PROS1: variants seen among roughly 807,000 people sequenced by gnomAD.
PROS1 encodes the protein vitamin K-dependent protein S.
In PROS1, 29 loss-of-function variants were observed where a neutral mutation model predicts 75.9. The ratio of observed to expected loss-of-function variants is 0.38; its 90% CI spans 0.28 to 0.52. The LOEUF (loss-of-function observed/expected upper bound fraction) is 0.52, where lower values mean the gene tolerates loss of function less well. Ranked by LOEUF, PROS1 falls within the 20% of genes least tolerant of loss-of-function variation. PROS1 has a pLI of 0.83. For synonymous variants in PROS1, 245 were observed against 280.6 expected (o/e 0.87, Z 1.27); for missense variants, 680 against 810.3 (o/e 0.84, Z 1.95).
chr3:93,960,155 T>C (rs1709679061), intron 1 of PROS1, among the ~76,000 whole-genome samples: 1 of 151,328 alleles, frequency 6.6e-6, no homozygotes, highest in Non-Finnish European at 1.5e-5. Flanking sequence ...ATTTGAACTA[T>C]AAGCAGAAGT....
At chr3:93,889,668 A>G (rs1418756755) in intron 10 of PROS1, among the ~76,000 whole-genome samples, 1 of 152,210 alleles carries the variant, frequency 6.6e-6, no homozygotes, top group African/African-American at 2.4e-5. Context: ...ACAGCAGAGG[A>G]ACATAAATTG....
At chr3:93,938,426 C>G (rs1406878812) in intron 1 of PROS1, among the ~76,000 whole-genome samples, 2 of 152,174 alleles carry the variant, frequency 1.3e-5, no homozygotes, top group African/African-American at 2.4e-5. Flanking sequence ...GGTCTCTTCA[C>G]ACGGACGCAC....
intron 1 of PROS1, among the ~76,000 whole-genome samples, chr3:93,948,470 T>G (rs1369697689): frequency 6.6e-6 from 1 of 152,186 alleles, no homozygotes; most frequent in Admixed American, 6.5e-5. Flanking sequence ...CCTTGTTAAC[T>G]TTCTGTCTCG....
intron 4 of PROS1, among the ~76,000 whole-genome samples, chr3:93,908,203 T>C (rs1350305525): frequency 6.6e-6 from 1 of 152,216 alleles, no homozygotes; most frequent in Non-Finnish European, 1.5e-5. Context: ...TAGATTTATC[T>C]TCCTGCCTTA....
At chr3:93,893,411 G>A (rs1708460218) in intron 9 of PROS1, among the ~76,000 whole-genome samples, 1 of 152,044 alleles carries the variant, frequency 6.6e-6, no homozygotes, top group Admixed American at 6.6e-5. Flanking sequence ...CATATATTTT[G>A]ATAGCACCTT....
At chr3:93,886,621 T>A in intron 10 of PROS1, 118 bp from the exon 11 acceptor site, 1 of 783,362 alleles carries the variant, frequency 1.3e-6, no homozygotes, top group Non-Finnish European at 2.1e-6. Flanking sequence ...GTAATCATTT[T>A]AATGTAATTA....
intron 12 of PROS1, 70 bp downstream of exon 12, chr3:93,884,658 T>A (rs959524910): frequency 6.8e-7 from 1 of 1,465,882 alleles, no homozygotes; most frequent in African/African-American, 1.4e-5. Flanking sequence ...CACAAATAAA[T>A]TATTACTGTT....
At chr3:93,937,944 A>C (rs372280134) in intron 1 of PROS1, among the ~76,000 whole-genome samples, 2 of 152,306 alleles carry the variant, frequency 1.3e-5, no homozygotes, top group Admixed American at 6.5e-5. Context: ...AAAGACTTTA[A>C]CACAGCTTTA....
rs538435753 is a variant in PROS1 at position 93,904,059 on chromosome 3, T to C, written c.601+1725A>G. On this transcript the variant is annotated intron_variant, in intron 6 of 14. Coordinates refer to ENST00000394236, the MANE Select transcript of PROS1 (RefSeq NM_000313.4). ...CAATTCCCACCTATGAGTGAGAATATGCGGTGTTTGGTTTTTTGTTCTTGC... is the reference window on the plus strand; with the variant it reads ...CAATTCCCACCTATGAGTGAGAATACGCGGTGTTTGGTTTTTTGTTCTTGC... Among the ~76,000 whole-genome samples, 45 of 150,026 alleles carry C rather than the reference T, an allele frequency of 3.0e-4. No individual in the cohort carries two copies. In the East Asian group the frequency reaches 8.2e-3, roughly 27 times the overall value.
At chr3:93,961,066 T>C (rs1489805875) in intron 1 of PROS1, among the ~76,000 whole-genome samples, 1 of 152,126 alleles carries the variant, frequency 6.6e-6, no homozygotes, top group Non-Finnish European at 1.5e-5. Flanking sequence ...GTTCAATTCA[T>C]GATTCTAAAA....
At chr3:93,945,644 T>C (rs1414344718) in intron 1 of PROS1, among the ~76,000 whole-genome samples, 2 of 152,202 alleles carry the variant, frequency 1.3e-5, no homozygotes, top group Non-Finnish European at 2.9e-5. Flanking sequence ...AAGCTAGGTA[T>C]TGATGGGACG....
chr3:93,922,382 G>T (rs747778717), intron 3 of PROS1, among the ~76,000 whole-genome samples: 1 of 152,112 alleles, frequency 6.6e-6, no homozygotes, highest in Non-Finnish European at 1.5e-5. Context: ...TCTATTAGGT[G>T]ATACTAGGCC....
chr3:93,910,859 C>T (rs1319050168), intron 3 of PROS1, 154 bp from the exon 4 acceptor site: 4 of 663,100 alleles, frequency 6.0e-6, no homozygotes, highest in East Asian at 2.8e-5. Flanking sequence ...TTCCATCTAC[C>T]TTTCTGAAAA....
intron 1 of PROS1, among the ~76,000 whole-genome samples, chr3:93,930,529 T>C (rs923018350): frequency 7.2e-5 from 11 of 152,194 alleles, no homozygotes; most frequent in Non-Finnish European, 7.4e-5. Context: ...ATTTTTTCCT[T>C]ACACAATATT....
intron 1 of PROS1, among the ~76,000 whole-genome samples, chr3:93,944,456 T>C (rs569370953): frequency 1.1e-3 from 165 of 152,288 alleles, no homozygotes; most frequent in African/African-American, 3.8e-3. Context: ...ACAAACTGTC[T>C]CTCAGACCAC....
chr3:93,960,060 T>C (rs1253547573), intron 1 of PROS1, among the ~76,000 whole-genome samples: 1 of 152,138 alleles, frequency 6.6e-6, no homozygotes, highest in African/African-American at 2.4e-5. Flanking sequence ...TAGAGGAAAA[T>C]ACATTAATTT....
intron 1 of PROS1, among the ~76,000 whole-genome samples, chr3:93,940,405 C>T (rs1446656669): frequency 6.6e-6 from 1 of 152,152 alleles, no homozygotes; most frequent in African/African-American, 2.4e-5. Flanking sequence ...ACCCACTCCA[C>T]ATTACCTTCT....
chr3:93,949,365 C>A (rs1372666982), intron 1 of PROS1, among the ~76,000 whole-genome samples: 1 of 152,152 alleles, frequency 6.6e-6, no homozygotes, highest in African/African-American at 2.4e-5. Context: ...CCACATTTGG[C>A]AGGATTTTAC....
At chr3:93,929,302 A>AC (rs1487340478) in intron 1 of PROS1, among the ~76,000 whole-genome samples, 29 of 152,182 alleles carry the variant, frequency 1.9e-4, no homozygotes, top group African/African-American at 6.7e-4. Context: ...ACAAAGAGAG[A>AC]CCCCACATCT....
Sources: allele counts gnomAD v4.1 joint callset (sites outside exome capture counted in the v4.1 genomes callset), GRCh38; gene constraint gnomAD v4.1.1; transcripts MANE v1.5; gene names NCBI Gene and HGNC (gene_info 2026-07-23, HGNC 2026-07-21).